The following MBD5 variants were observed in gnomAD, a reference collection of about 807,000 sequenced individuals.
MBD5 encodes the protein methyl-CpG binding domain protein 5, also known as methyl-CpG-binding domain protein 5.
MBD5 carries 13 observed loss-of-function variants against 117.3 expected under a neutral mutation model. The ratio of observed to expected loss-of-function variants is 0.11; its 90% CI spans 0.07 to 0.18. The LOEUF (loss-of-function observed/expected upper bound fraction) is 0.18. Among genes scored for constraint, MBD5 ranks in the 10% least tolerant of loss-of-function variants. The probability of loss-of-function intolerance (pLI) is 1.00; values close to 1 mark genes in which losing one functional copy is unlikely to be tolerated. For synonymous variants in MBD5, 727 were observed against 766.4 expected, an observed-to-expected ratio of 0.95 and a Z score of 0.85; for missense variants, 1,879 against 2,093.8, an observed-to-expected ratio of 0.90 and a Z score of 2.00.
intron 3 of MBD5, among the ~76,000 whole-genome samples, chr2:148,317,454 A>T (rs1237548291): frequency 1.3e-5 from 2 of 152,188 alleles, no homozygotes; most frequent in Admixed American, 6.5e-5. Flanking sequence ...AATTATTTTT[A>T]AAAAATTATT....
intron 3 of MBD5, among the ~76,000 whole-genome samples, chr2:148,296,948 C>T (rs1325024165): frequency 8.0e-6 from 1 of 124,236 alleles, no homozygotes; most frequent in Non-Finnish European, 1.6e-5. Flanking sequence ...AATTTTGGCT[C>T]ACTGCAACCT....
rs1200584985 is a variant in MBD5, at chr2:148,325,724, C to T, written c.-679-16490C>T. Among the ~76,000 whole-genome samples the T allele has an allele frequency of 2.0e-5, 3 of 152,180 alleles. No individual in the cohort carries two copies. In the East Asian group the frequency reaches 5.8e-4, roughly 29 times the overall value. On this transcript the variant is annotated intron_variant, in intron 3 of 13. Transcript: ENST00000642680. ...TATTGCGTCTACTTGATTCTTCTCT[C>T]TTTTTTTCTTTATTAGTCTTGCTAG...
At chr2:148,167,650 A>T (rs1465130824) in intron 1 of MBD5, among the ~76,000 whole-genome samples, 1 of 152,206 alleles carries the variant, frequency 6.6e-6, no homozygotes, top group Admixed American at 6.5e-5. Flanking sequence ...CTCCATTAAA[A>T]TACTGGAAAA....
chr2:148,394,973 C>A (rs898100766), intron 4 of MBD5, among the ~76,000 whole-genome samples: 5 of 151,992 alleles, frequency 3.3e-5, no homozygotes, highest in African/African-American at 1.2e-4. Flanking sequence ...TTTTCCTTTC[C>A]TATCTCCTCC....
chr2:148,356,779 T>C (rs1475487573), intron 4 of MBD5, among the ~76,000 whole-genome samples: 1 of 152,156 alleles, frequency 6.6e-6, no homozygotes, highest in Non-Finnish European at 1.5e-5. Flanking sequence ...CCCCTTTTCC[T>C]TGGGAACTGC....
At chr2:148,060,132 CAAAAAAAAAAAAAAAAAAA>C (rs35925701) in intron 1 of MBD5, among the ~76,000 whole-genome samples, 1 of 14,042 alleles carries the variant, frequency 7.1e-5, no homozygotes, top group Non-Finnish European at 1.1e-4. Context: ...ACAAAAAGTG[CAAAAAAAAAAAAAAAAAAA>C]AAAAAAAAAA....
chr2:148,244,691 G>A (rs1700295763), intron 3 of MBD5, among the ~76,000 whole-genome samples: 2 of 152,134 alleles, frequency 1.3e-5, no homozygotes, highest in Admixed American at 1.3e-4. Flanking sequence ...AATAAACAAG[G>A]CTGATGAAGT....
chr2:148,392,036 C>A (rs1704584066), intron 4 of MBD5, among the ~76,000 whole-genome samples: 9 of 151,890 alleles, frequency 5.9e-5, no homozygotes, highest in Admixed American at 5.9e-4. Flanking sequence ...TTTTGTTTTT[C>A]TTTTTTCTCA....
chr2:148,056,360 A>G lies in MBD5; in HGVS notation c.-925+34676A>G, dbSNP rs527630821. On this transcript the variant is annotated intron_variant, in intron 1 of 13. Coordinates refer to ENST00000642680, the MANE Select transcript of MBD5 (RefSeq NM_001378120.1). The stretch of plus-strand genomic sequence containing the variant: ...TTTCTTCTTTTGCTTTTTGTGGGCT[A>G]GAATCTACAGTGCTGATAATGAGCA... 6.6e-5 allele frequency among the ~76,000 whole-genome samples: 10 copies of G among 152,216 alleles called. No homozygotes were observed. The South Asian group carries it at 1.9e-3, about 28-fold the overall frequency.
intron 2 of MBD5, among the ~76,000 whole-genome samples, chr2:148,210,634 CTTA>C (rs1699400106): frequency 6.6e-6 from 1 of 151,812 alleles, no homozygotes. Context: ...TAGTAATCAT[CTTA>C]TTATATTATA....
At chr2:148,332,376 A>G (rs1306951353) in intron 3 of MBD5, among the ~76,000 whole-genome samples, 1 of 152,076 alleles carries the variant, frequency 6.6e-6, no homozygotes, top group East Asian at 1.9e-4. Context: ...TTCTCTATGT[A>G]CTTATTTCTG....
intron 1 of MBD5, among the ~76,000 whole-genome samples, chr2:148,129,793 A>G (rs968692137): frequency 3.3e-5 from 5 of 152,222 alleles, no homozygotes; most frequent in Non-Finnish European, 7.3e-5. Context: ...GAATAAGTGA[A>G]TAGACAAAGG....
At chr2:148,404,152 T>G (rs1705009908) in intron 4 of MBD5, among the ~76,000 whole-genome samples, 1 of 151,624 alleles carries the variant, frequency 6.6e-6, no homozygotes, top group African/African-American at 2.4e-5. Context: ...TGTTGCATCC[T>G]GGGTATTTGT....
At chr2:148,309,531 A>G (rs1026686315) in intron 3 of MBD5, among the ~76,000 whole-genome samples, 1 of 152,178 alleles carries the variant, frequency 6.6e-6, no homozygotes, top group African/African-American at 2.4e-5. Flanking sequence ...TATCAGCTTA[A>G]GGAGATTTTG....
At chr2:148,360,786 A>G (rs991401722) in intron 4 of MBD5, among the ~76,000 whole-genome samples, 9 of 152,306 alleles carry the variant, frequency 5.9e-5, no homozygotes, top group Non-Finnish European at 8.8e-5. Flanking sequence ...GACAGTCTAT[A>G]TGATCATTTT....
chr2:148,335,763 T>C (rs992884363), intron 3 of MBD5, among the ~76,000 whole-genome samples: 1 of 151,890 alleles, frequency 6.6e-6, no homozygotes, highest in African/African-American at 2.4e-5. Flanking sequence ...AAATAAACTT[T>C]AGAGAAAGAA....
intron 1 of MBD5, among the ~76,000 whole-genome samples, chr2:148,075,998 C>A (rs868105820): frequency 6.6e-6 from 1 of 152,134 alleles, no homozygotes; most frequent in South Asian, 2.1e-4. Flanking sequence ...CCAACTTATT[C>A]TATTGTAAAT....
intron 4 of MBD5, among the ~76,000 whole-genome samples, chr2:148,378,792 A>C (rs1208964133): frequency 6.6e-6 from 1 of 152,080 alleles, no homozygotes; most frequent in Non-Finnish European, 1.5e-5. Context: ...ATATGTAGGA[A>C]AAATGCATAT....
intron 4 of MBD5, among the ~76,000 whole-genome samples, chr2:148,447,250 G>A (rs1017570243): frequency 7.0e-5 from 10 of 142,940 alleles, no homozygotes; most frequent in African/African-American, 2.8e-4. Flanking sequence ...AGGAGGGAGG[G>A]AGGAAGGAAG....
Sources: gnomAD v4.1 joint callset for allele counts (sites outside exome capture counted in the v4.1 genomes callset) on GRCh38, gnomAD v4.1.1 for gene constraint, MANE v1.5 for transcripts, NCBI Gene and HGNC (gene_info 2026-07-23, HGNC 2026-07-21) for gene names.